The following RTN4 variants were observed in gnomAD, a reference collection of about 807,000 sequenced individuals.
The protein encoded by RTN4 is reticulon 4.
RTN4 carries 32 observed loss-of-function variants against 90.4 expected under a neutral mutation model. The ratio of observed to expected loss-of-function variants is 0.35; its 90% CI spans 0.27 to 0.48. RTN4 has a LOEUF of 0.48. RTN4 is among the 20% of genes least tolerant of loss of function. The probability of loss-of-function intolerance (pLI) is 0.99; values close to 1 mark genes in which losing one functional copy is unlikely to be tolerated. For synonymous variants in RTN4, 629 were observed against 552.5 expected (o/e 1.14, Z -1.94); for missense variants, 1,706 against 1,430.2 (o/e 1.19, Z -3.11).
At chr2:55,073,492 C>G (rs1668549359) in intron 2 of RTN4, among the ~76,000 whole-genome samples, 1 of 152,172 alleles carries the variant, frequency 6.6e-6, no homozygotes, top group African/African-American at 2.4e-5. Flanking sequence ...AATTTGGCAG[C>G]AAGTTGGTAT....
intron 1 of RTN4, among the ~76,000 whole-genome samples, chr2:55,094,946 A>C (rs1669004263): frequency 6.6e-6 from 1 of 152,208 alleles, no homozygotes; most frequent in African/African-American, 2.4e-5. Flanking sequence ...ATGGTTTCCG[A>C]GTGACCTCCT....
At chr2:55,065,677 A>G (rs1200856035) in intron 2 of RTN4, among the ~76,000 whole-genome samples, 1 of 152,212 alleles carries the variant, frequency 6.6e-6, no homozygotes, top group Non-Finnish European at 1.5e-5. Flanking sequence ...ACATACACAC[A>G]CACGCAAAGG....
chr2:55,135,103 TA>T, the RTN4 span, among the ~76,000 whole-genome samples: 11 of 152,048 alleles, frequency 7.2e-5, no homozygotes, highest in African/African-American at 1.2e-4. Context: ...CCATTTCTAT[TA>T]AAAAAATGTT....
At position 55,049,858 on chromosome 2, in the gene RTN4, G is replaced by C; in HGVS notation, c.443C>G (p.Pro148Arg). Residue 148 changes from proline (P) to arginine (R), a missense_variant, in exon 1 of 9, where the codon CCG becomes CGG. Physicochemically the swap from Pro to Arg is moderately radical, Grantham distance 103. Coordinates refer to ENST00000337526, the MANE Select transcript of RTN4 (RefSeq NM_020532.5). The stretch of plus-strand genomic sequence containing the variant: ...CTCTGCCTGGGGGCTCACGCTGGCC[G>C]GGGGAGGAGGGGGAGGCCGGGCCGG... Reference protein sequence around the residue: ...EPPARPPPPPPASVSPQAEPV... With the variant: ...EPPARPPPPPRASVSPQAEPV... 3 of 1,315,066 alleles carry C rather than the reference G, an allele frequency of 2.3e-6. No homozygotes were observed. Among genetic ancestry groups the C allele is most frequent in the Admixed American group, 8.3e-5 (2 of 23,984 alleles). The allele number at this position is 1,315,066 out of a possible 1,614,324, so 81.5% of individuals were successfully genotyped here. A position where few individuals can be genotyped will look rare whatever the true frequency, so the allele number is the denominator to read the frequency against.
At chr2:55,082,390 C>T (rs1668737852) in intron 1 of RTN4, among the ~76,000 whole-genome samples, 1 of 152,180 alleles carries the variant, frequency 6.6e-6, no homozygotes, top group South Asian at 2.1e-4. Context: ...TGAGAACAGC[C>T]AAATCAGGAG....
At chr2:55,007,027 T>A (rs1373172797) in intron 3 of RTN4, among the ~76,000 whole-genome samples, 1 of 152,166 alleles carries the variant, frequency 6.6e-6, no homozygotes, top group Non-Finnish European at 1.5e-5. Context: ...AGATGTTCTA[T>A]CATCACTTCA....
intron 3 of RTN4, among the ~76,000 whole-genome samples, chr2:54,997,272 T>C (rs1478737186): frequency 1.3e-5 from 2 of 152,140 alleles, no homozygotes; most frequent in African/African-American, 4.8e-5. Flanking sequence ...CATCATTTAG[T>C]CATTATAAAA....
At chr2:55,066,193 T>TGTGTGTTTG (rs1668389176) in intron 2 of RTN4, among the ~76,000 whole-genome samples, 1 of 110,944 alleles carries the variant, frequency 9.0e-6, no homozygotes, top group East Asian at 5.1e-4. Flanking sequence ...GTGTGTGTGT[T>TGTGTGTTTG]TGTGTGTGTG....
chr2:55,039,047 A>G (rs1003827523), intron 1 of RTN4, among the ~76,000 whole-genome samples: 3 of 152,210 alleles, frequency 2.0e-5, no homozygotes, highest in African/African-American at 7.2e-5. Context: ...ACGTAAAACT[A>G]ATCTATGATG....
chr2:55,088,080 G>A (rs1021110677), intron 1 of RTN4, among the ~76,000 whole-genome samples: 1 of 152,218 alleles, frequency 6.6e-6, no homozygotes. Context: ...AGACCCTGAG[G>A]AATGTTGCCT....
chr2:55,019,959 T>A (rs1366266877), intron 3 of RTN4, among the ~76,000 whole-genome samples: 1 of 150,948 alleles, frequency 6.6e-6, no homozygotes, highest in Non-Finnish European at 1.5e-5. Flanking sequence ...TGCAATAGCT[T>A]AAAAAAAAAT....
intron 3 of RTN4, among the ~76,000 whole-genome samples, chr2:55,006,280 C>T (rs1680218906): frequency 6.6e-6 from 1 of 152,048 alleles, no homozygotes; most frequent in African/African-American, 2.4e-5. Flanking sequence ...TAATGAATGC[C>T]TAAATATTCG....
intron 3 of RTN4, among the ~76,000 whole-genome samples, chr2:55,024,192 C>G (rs903630621): frequency 6.6e-5 from 10 of 152,098 alleles, no homozygotes; most frequent in African/African-American, 1.9e-4. Context: ...TCCAGGGTTC[C>G]TGGGGTCATC....
intron 1 of RTN4, among the ~76,000 whole-genome samples, chr2:55,110,636 T>A (rs544746332): frequency 6.6e-6 from 1 of 152,322 alleles, no homozygotes; most frequent in Admixed American, 6.5e-5. Context: ...ATACGTCCAT[T>A]TGGATCCTTT....
At chr2:55,003,120 T>TG (rs1380906015) in intron 3 of RTN4, among the ~76,000 whole-genome samples, 2 of 152,166 alleles carry the variant, frequency 1.3e-5, no homozygotes, top group East Asian at 3.9e-4. Context: ...ATACTGGAGT[T>TG]GGGGGAGGGG....
intron 2 of RTN4, among the ~76,000 whole-genome samples, chr2:55,059,202 T>G (rs528622587): frequency 6.6e-6 from 1 of 152,172 alleles, no homozygotes; most frequent in Non-Finnish European, 1.5e-5. Flanking sequence ...TCTTTGTAAA[T>G]GTAAAGCACC....
chr2:54,979,297 A>G lies in RTN4; in HGVS notation c.3360+3218T>C, dbSNP rs1677928253. On this transcript the variant is annotated intron_variant, in intron 5 of 8. Coordinates refer to ENST00000337526, the MANE Select transcript of RTN4 (RefSeq NM_020532.5). The stretch of plus-strand genomic sequence containing the variant: ...GGTCTCAAACTCCTGGCCTCAAGCA[A>G]TCCTTCCGCCTTGGCCTCCCAAAGT... Among the ~76,000 whole-genome samples the G allele has an allele frequency of 2.6e-5, 4 of 152,144 alleles. No individual in the cohort carries two copies. The South Asian group carries it at 8.3e-4, about 32-fold the overall frequency.
At chr2:55,063,641 G>C (rs904592213) in intron 2 of RTN4, among the ~76,000 whole-genome samples, 2 of 152,098 alleles carry the variant, frequency 1.3e-5, no homozygotes, top group South Asian at 2.1e-4. Context: ...TGCACTCTGG[G>C]AGGCCAAGGT....
chr2:55,075,848 C>T (rs916011418), intron 2 of RTN4, among the ~76,000 whole-genome samples: 6 of 152,114 alleles, frequency 3.9e-5, no homozygotes, highest in Non-Finnish European at 8.8e-5. Flanking sequence ...GGAAGACACC[C>T]TATTCAACAA....
Sources: gnomAD v4.1 joint callset for allele counts (sites outside exome capture counted in the v4.1 genomes callset) on GRCh38, gnomAD v4.1.1 for gene constraint, MANE v1.5 for transcripts, NCBI Gene and HGNC (gene_info 2026-07-23, HGNC 2026-07-21) for gene names.